Variants in KLHDC10 observed in about 807,000 individuals in gnomAD.
KLHDC10 encodes the protein kelch domain containing 10.
In KLHDC10, 24 loss-of-function variants were observed where a neutral mutation model predicts 56.1. The observed-to-expected ratio is 0.43, with a 90% CI of 0.31 to 0.60. The LOEUF (loss-of-function observed/expected upper bound fraction) is 0.60. Ranked by LOEUF, KLHDC10 falls within the 20% of genes least tolerant of loss-of-function variation. The pLI, the probability that KLHDC10 is intolerant of heterozygous loss-of-function variation, is 0.11. For synonymous variants in KLHDC10, 188 were observed against 207.1 expected (o/e 0.91, Z 0.79); for missense variants, 349 against 567.0 (o/e 0.62, Z 3.91).
chr7:130,124,435 T>G lies in KLHDC10; in HGVS notation c.780-16T>G, dbSNP rs766600500. Reference sequence around the variant, plus strand: ...TTTTCACTTAATTATAAATGAATTTTATTGTAAATTTTCAGATACCGACAT... The same window carrying G: ...TTTTCACTTAATTATAAATGAATTTGATTGTAAATTTTCAGATACCGACAT... On this transcript the variant is annotated splice_polypyrimidine_tract_variant and intron_variant, in intron 5 of 9. Transcript: ENST00000335420. The G allele has an allele frequency of 6.6e-7, 1 of 1,513,976 alleles. No homozygotes were observed. Among genetic ancestry groups the G allele is most frequent in the Non-Finnish European group, 9.2e-7 (1 of 1,092,136 alleles). 93.8% of individuals were successfully genotyped at this position (1,513,976 alleles called of 1,614,324 possible).
At chr7:130,090,228 T>C (rs1260481125) in intron 1 of KLHDC10, among the ~76,000 whole-genome samples, 1 of 152,164 alleles carries the variant, frequency 6.6e-6, no homozygotes, top group Admixed American at 6.6e-5. Context: ...TTTTTTTTCT[T>C]CTTTTTGGTT....
intron 1 of KLHDC10, among the ~76,000 whole-genome samples, chr7:130,083,022 T>C (rs143396448): frequency 6.6e-6 from 1 of 152,340 alleles, no homozygotes; most frequent in East Asian, 1.9e-4. Flanking sequence ...AAGATATCAT[T>C]AATGTCCTGA....
chr7:130,127,342 T>C (rs996929429), intron 7 of KLHDC10, 62 bp from the exon 8 acceptor site: 19 of 1,313,868 alleles, frequency 1.4e-5, no homozygotes, highest in Middle Eastern at 1.8e-4. Flanking sequence ...CACTGTGTTA[T>C]ATCAGTGTGG....
intron 5 of KLHDC10, 92 bp downstream of exon 5, chr7:130,122,294 C>T: frequency 8.1e-7 from 1 of 1,234,224 alleles, no homozygotes; most frequent in Non-Finnish European, 1.1e-6. Context: ...CCCTTTGGCC[C>T]CAGTTAGAAT....
intron 1 of KLHDC10, among the ~76,000 whole-genome samples, chr7:130,090,686 A>G (rs1187025279): frequency 1.3e-5 from 2 of 152,048 alleles, no homozygotes; most frequent in Non-Finnish European, 1.5e-5. Context: ...TCCTGTTACT[A>G]TTGTACAATA....
intron 2 of KLHDC10, among the ~76,000 whole-genome samples, chr7:130,107,856 AAAAAAAAAAAAG>A (rs1231407862): frequency 1.4e-5 from 2 of 147,090 alleles, no homozygotes; most frequent in African/African-American, 5.0e-5. Flanking sequence ...AAAAAAAAAA[AAAAAAAAAAAAG>A]AGCCGGACGC....
chr7:130,079,928 C>CCTCCTTCCCTCCCTTCCTCCCTT (rs1563096356), intron 1 of KLHDC10, among the ~76,000 whole-genome samples: 3 of 69,326 alleles, frequency 4.3e-5, no homozygotes, highest in African/African-American at 2.4e-4. Flanking sequence ...CTCCCTTTCT[C>CCTCCTTCCCTCCCTTCCTCCCTT]GCTTCCTCCT....
At chr7:130,104,923 T>A (rs1255472865) in intron 2 of KLHDC10, among the ~76,000 whole-genome samples, 2 of 152,124 alleles carry the variant, frequency 1.3e-5, no homozygotes, top group Admixed American at 6.5e-5. Context: ...GAACATGAGA[T>A]TTGGGCGGGG....
Position 130,116,045 on chromosome 7 carries a change from GTTTAA to G in KLHDC10, c.254-395_254-391del, listed in dbSNP as rs1237604480. Among the ~76,000 whole-genome samples the G allele has an allele frequency of 6.6e-6, 1 of 152,124 alleles. No individual in the cohort carries two copies. Among genetic ancestry groups the G allele is most frequent in the Non-Finnish European group, 1.5e-5 (1 of 68,012 alleles). The stretch of plus-strand genomic sequence containing the variant: ...TTTATTTAGTTCTCTAATATTCACA[GTTTAA>G]TTTAGTTGGCCTGTGTTTTTTTCTC... On this transcript the variant is annotated intron_variant, in intron 2 of 9. Coordinates refer to ENST00000335420, the MANE Select transcript of KLHDC10 (RefSeq NM_014997.4). This position sits in a 1 kb window ranked among gnomAD's most constrained non-coding sequence, Gnocchi z 4.8.
intron 7 of KLHDC10, 95 bp from the exon 8 acceptor site, chr7:130,127,309 T>G: frequency 3.1e-6 from 3 of 963,272 alleles, no homozygotes; most frequent in Non-Finnish European, 5.0e-6. Context: ...GGGATTGTTT[T>G]GAGTTACACG....
At chr7:130,107,931 C>T (rs1796035141) in intron 2 of KLHDC10, among the ~76,000 whole-genome samples, 1 of 149,018 alleles carries the variant, frequency 6.7e-6, no homozygotes, top group Admixed American at 6.7e-5. Context: ...TGGAGAATGG[C>T]TGGAACCCGG....
At chr7:130,081,527 C>T (rs1202661780) in intron 1 of KLHDC10, among the ~76,000 whole-genome samples, 1 of 151,380 alleles carries the variant, frequency 6.6e-6, no homozygotes, top group Non-Finnish European at 1.5e-5. Context: ...CCGTGTTGCC[C>T]AGGCTGGTTT....
At position 130,127,465 on chromosome 7, in the gene KLHDC10, A is replaced by T. The variant is rs754555821; in HGVS notation, c.979+14A>T. 1.4e-5 allele frequency: 22 copies of T among 1,590,446 alleles called. No individual in the cohort carries two copies. Among genetic ancestry groups the T allele is most frequent in the Non-Finnish European group, 1.8e-5 (21 of 1,158,722 alleles). On this transcript the variant is annotated intron_variant, in intron 8 of 9. Transcript: ENST00000335420. Reference sequence around the variant, plus strand: ...AAATAAAAAATGGTAAGGATTCTAAATAACATTTTGCTTCCATTTCTGTAA... The same window carrying T: ...AAATAAAAAATGGTAAGGATTCTAATTAACATTTTGCTTCCATTTCTGTAA...
intron 1 of KLHDC10, among the ~76,000 whole-genome samples, chr7:130,093,558 C>A (rs1256052702): frequency 6.6e-6 from 1 of 151,996 alleles, no homozygotes; most frequent in East Asian, 1.9e-4. Context: ...GAAGCTATCA[C>A]GTAGGAAGGT....
intron 1 of KLHDC10, among the ~76,000 whole-genome samples, chr7:130,073,059 T>G (rs2116827373): frequency 6.9e-6 from 1 of 145,552 alleles, no homozygotes; most frequent in Middle Eastern, 3.4e-3. Context: ...CCCAGCCAAA[T>G]TTTTTATTTT....
intron 2 of KLHDC10, among the ~76,000 whole-genome samples, chr7:130,107,109 T>C (rs1382321565): frequency 6.6e-6 from 1 of 152,210 alleles, no homozygotes; most frequent in Non-Finnish European, 1.5e-5. Context: ...TGATGTATCA[T>C]TTATTGATAA....
intron 2 of KLHDC10, among the ~76,000 whole-genome samples, chr7:130,101,397 G>A (rs1250674257): frequency 1.3e-5 from 2 of 152,318 alleles, no homozygotes; most frequent in East Asian, 3.9e-4. Flanking sequence ...GTTGCATGGT[G>A]GAAGTCAGAG....
At chr7:130,086,137 A>G (rs1795687085) in intron 1 of KLHDC10, among the ~76,000 whole-genome samples, 1 of 152,152 alleles carries the variant, frequency 6.6e-6, no homozygotes, top group Non-Finnish European at 1.5e-5. Context: ...TAAAGTAAGC[A>G]GTCCTTGTCT....
chr7:130,097,129 A>G (rs1795860837), intron 2 of KLHDC10, 122 bp downstream of exon 2: 1 of 608,638 alleles, frequency 1.6e-6, no homozygotes, highest in Non-Finnish European at 2.8e-6. Flanking sequence ...AACAGTTGGA[A>G]TAAGAAAAAT....
Sources: allele counts gnomAD v4.1 joint callset (sites outside exome capture counted in the v4.1 genomes callset), GRCh38; gene constraint gnomAD v4.1.1; non-coding constraint Gnocchi (gnomAD v3.1); transcripts MANE v1.5; gene names NCBI Gene and HGNC (gene_info 2026-07-23, HGNC 2026-07-21).